Variants in TYW1 observed in about 807,000 individuals in gnomAD.
The protein encoded by TYW1 is tRNA-yW synthesizing protein 1 homolog, also known as S-adenosyl-L-methionine-dependent tRNA 4-demethylwyosine synthase TYW1.
A neutral mutation model predicts 96.2 loss-of-function variants in TYW1; 46 were observed. That is an observed-to-expected ratio of 0.48 (90% confidence interval 0.38 to 0.61). TYW1 has a LOEUF of 0.61. Among genes scored for constraint, TYW1 ranks in the 20% least tolerant of loss-of-function variants. The probability of loss-of-function intolerance (pLI) is 0.00; values close to 1 mark genes in which losing one functional copy is unlikely to be tolerated. For missense variants in TYW1, 684 were observed against 909.6 expected (o/e 0.75, Z 3.19); for synonymous variants, 274 against 323.0 (o/e 0.85, Z 1.63).
chr7:67,006,060 T>C (rs997730841), intron 3 of TYW1, among the ~76,000 whole-genome samples: 4 of 152,152 alleles, frequency 2.6e-5, no homozygotes, highest in African/African-American at 9.7e-5. Flanking sequence ...GTAATTGATA[T>C]GGTTTGGATC....
intron 15 of TYW1, among the ~76,000 whole-genome samples, chr7:67,233,709 G>T (rs1801805147): frequency 7.4e-6 from 1 of 136,012 alleles, no homozygotes. Context: ...CGCTGTTTGT[G>T]TGTCAGTCAT....
At position 67,009,649 on chromosome 7, in the gene TYW1, A is replaced by C; in HGVS notation, c.340A>C (p.Lys114Gln). 6.2e-7 allele frequency: 1 copy of C among 1,611,774 alleles called. No individual in the cohort carries two copies. Among genetic ancestry groups the C allele is most frequent in the Non-Finnish European group, 8.5e-7 (1 of 1,179,556 alleles). ...LDLPVAIINL[K>Q]EYDPDDHLIE... ...TCTGCCTGTGGCCATTATTAATCTA[A>C]AAGAATATGATCCAGATGATCATCT... The change falls in exon 4 of 16, where the codon AAA becomes CAA. Residue 114 changes from lysine to glutamine, a missense_variant. Transcript: ENST00000359626.
chr7:67,117,343 G>A, intron 12 of TYW1, 140 bp from the exon 13 acceptor site: 2 of 898,166 alleles, frequency 2.2e-6, no homozygotes, highest in Non-Finnish European at 3.1e-6. Flanking sequence ...CATTAGTTCA[G>A]TCTTTTGGGG....
chr7:67,214,358 C>A (rs1367771482), intron 15 of TYW1, among the ~76,000 whole-genome samples: 1 of 152,062 alleles, frequency 6.6e-6, no homozygotes, highest in Admixed American at 6.6e-5. Flanking sequence ...GTCTTACAAC[C>A]TTGCTATAAT....
intron 7 of TYW1, among the ~76,000 whole-genome samples, chr7:67,038,518 A>G (rs1186779999): frequency 6.6e-6 from 1 of 151,882 alleles, no homozygotes; most frequent in Non-Finnish European, 1.5e-5. Context: ...AGGTGGGAGG[A>G]TTGTTTGAGC....
intron 5 of TYW1, among the ~76,000 whole-genome samples, chr7:67,017,051 C>T (rs1013676656): frequency 2.1e-5 from 3 of 144,268 alleles, no homozygotes; most frequent in African/African-American, 5.2e-5. Flanking sequence ...GGCACAATCT[C>T]GGCTCATTGC....
chr7:67,123,657 G>A (rs10227884), intron 13 of TYW1, among the ~76,000 whole-genome samples: 41,954 of 151,842 alleles, frequency 0.28, 6,643 homozygotes, highest in African/African-American at 0.44. Flanking sequence ...GTAAGCAGAT[G>A]GGATGACCCA....
chr7:67,029,414 T>TATATATATATAC (rs1562973615), intron 7 of TYW1, among the ~76,000 whole-genome samples: 1 of 138,374 alleles, frequency 7.2e-6, no homozygotes, highest in Admixed American at 7.6e-5. Flanking sequence ...TGTGTGTGTG[T>TATATATATATAC]GTATATATAT....
At chr7:67,002,843 CTTTTTCTTTTTTCTT>C (rs1562960396) in intron 3 of TYW1, among the ~76,000 whole-genome samples, 4 of 117,792 alleles carry the variant, frequency 3.4e-5, no homozygotes, top group Non-Finnish European at 3.9e-5. Context: ...TTTTCTTTTT[CTTTTTCTTTTTTCTT>C]TTTTTTTTTT....
intron 13 of TYW1, among the ~76,000 whole-genome samples, chr7:67,174,289 G>A (rs1799597611): frequency 6.6e-6 from 1 of 152,004 alleles, no homozygotes. Context: ...ACCCAAACGG[G>A]ATAAATAAAA....
At position 67,108,448 on chromosome 7, in the gene TYW1, T is replaced by C. The variant is rs572652168; in HGVS notation, c.1563-9035T>C. 3.8e-4 allele frequency among the ~76,000 whole-genome samples: 58 copies of C among 150,848 alleles called. No individual in the cohort carries two copies. The South Asian group carries it at 0.011, about 28-fold the overall frequency. On this transcript the variant is annotated intron_variant, in intron 12 of 15. Transcript: ENST00000359626. ...CTTTGGAATACAGATTTTTTCTTTT[T>C]TTTTTTTTTTTGAGACAGGGTCTCA...
At chr7:67,083,162 C>T (rs1208654504) in intron 10 of TYW1, among the ~76,000 whole-genome samples, 2 of 152,170 alleles carry the variant, frequency 1.3e-5, no homozygotes, top group Admixed American at 1.3e-4. Context: ...GTTAAAGCAG[C>T]AGAGAGCGTT....
intron 7 of TYW1, among the ~76,000 whole-genome samples, chr7:67,038,681 A>G (rs962035972): frequency 2.0e-5 from 3 of 152,142 alleles, no homozygotes; most frequent in African/African-American, 7.2e-5. Flanking sequence ...AGGCAGGCAG[A>G]TCACCTGAGG....
chr7:67,214,429 T>G (rs1198187372), intron 15 of TYW1, among the ~76,000 whole-genome samples: 1 of 152,174 alleles, frequency 6.6e-6, no homozygotes, highest in East Asian at 1.9e-4. Context: ...TCTACATGTA[T>G]AATCATGTCA....
intron 12 of TYW1, among the ~76,000 whole-genome samples, chr7:67,113,637 T>TTATC (rs1797497553): frequency 1.5e-5 from 2 of 129,688 alleles, no homozygotes; most frequent in African/African-American, 6.5e-5. Flanking sequence ...TTCTTTTTCT[T>TTATC]TTTCTTTCTT....
chr7:67,123,516 T>G (rs1001445401), intron 13 of TYW1, among the ~76,000 whole-genome samples: 3 of 152,238 alleles, frequency 2.0e-5, no homozygotes, highest in Non-Finnish European at 2.9e-5. Context: ...TAGGTTCGTG[T>G]TGAGGCATCA....
chr7:67,043,286 G>T (rs1795086517), intron 7 of TYW1, among the ~76,000 whole-genome samples: 1 of 151,808 alleles, frequency 6.6e-6, no homozygotes, highest in Non-Finnish European at 1.5e-5. Context: ...GTCAGGAGGA[G>T]CCTGATAATT....
chr7:67,211,887 G>C (rs2116395200), intron 15 of TYW1, among the ~76,000 whole-genome samples: 1 of 152,302 alleles, frequency 6.6e-6, no homozygotes, highest in African/African-American at 2.4e-5. Context: ...ATGCCCTTCA[G>C]CGAGATTATT....
chr7:67,177,800 C>T (rs1056746887), intron 13 of TYW1, among the ~76,000 whole-genome samples: 5 of 151,938 alleles, frequency 3.3e-5, no homozygotes, highest in African/African-American at 9.7e-5. Flanking sequence ...TACATATCCC[C>T]CATGACCCAG....
Sources: allele counts gnomAD v4.1 joint callset (sites outside exome capture counted in the v4.1 genomes callset), GRCh38; gene constraint gnomAD v4.1.1; transcripts MANE v1.5; gene names NCBI Gene and HGNC (gene_info 2026-07-23, HGNC 2026-07-21).